Variants in ALDH2 observed in about 807,000 individuals in gnomAD.
The protein encoded by ALDH2 is aldehyde dehydrogenase, mitochondrial.
Under a neutral mutation model 59.6 loss-of-function variants are expected in ALDH2, and 44 were observed. That is an observed-to-expected ratio of 0.74 (90% CI 0.58 to 0.95). The LOEUF is 0.95. ALDH2 is among the 40% of genes least tolerant of loss of function. The pLI is 0.00. For missense variants in ALDH2, 570 were observed against 696.3 expected (o/e 0.82, Z 2.04); for synonymous variants, 291 against 284.0 (o/e 1.02, Z -0.25).
intron 9 of ALDH2, among the ~76,000 whole-genome samples, chr12:111,796,060 A>C (rs2068400641): frequency 6.6e-6 from 1 of 151,928 alleles, no homozygotes; most frequent in Non-Finnish European, 1.5e-5. Flanking sequence ...CAGGATTTCG[A>C]GATCAGCCTG....
At chr12:111,787,873 T>A (rs932447773) in intron 4 of ALDH2, among the ~76,000 whole-genome samples, 7 of 151,502 alleles carry the variant, frequency 4.6e-5, no homozygotes, top group Admixed American at 2.6e-4. Context: ...CTACTAAAAA[T>A]ATATATATAT....
intron 1 of ALDH2, among the ~76,000 whole-genome samples, chr12:111,778,657 C>T (rs2068250517): frequency 1.3e-5 from 2 of 151,228 alleles, no homozygotes; most frequent in Admixed American, 1.3e-4. Flanking sequence ...CTCGGTGAAA[C>T]CCCGTCTCTA....
At position 111,792,620 on chromosome 12, in the gene ALDH2, C is replaced by G. The variant is rs749044025; in HGVS notation, c.921C>G (p.Ala307=). The G allele has an allele frequency of 6.2e-7, 1 of 1,612,886 alleles. No individual in the cohort carries two copies. The highest frequency in any genetic ancestry group is 2.2e-5 in the East Asian group (1 of 44,866). The stretch of plus-strand genomic sequence containing the variant: ...CAGTGGATTGGGCCGTGGAACAGGC[C>G]CACTTCGCCCTGTTCTTCAACCAGG... ...DADMDWAVEQ[A]HFALFFNQGQ... is the part of the protein sequence containing the mutation. The change falls in exon 9 of 13, where the codon GCC becomes GCG. Residue 307 remains alanine, a synonymous_variant. Transcript: ENST00000261733.
intron 1 of ALDH2, among the ~76,000 whole-genome samples, chr12:111,768,325 C>T (rs1400247978): frequency 1.3e-5 from 2 of 152,236 alleles, no homozygotes; most frequent in African/African-American, 2.4e-5. Flanking sequence ...TTCAACAGCA[C>T]ACCTGCTGGT....
At chr12:111,807,346 G>T (rs1274946217) in intron 12 of ALDH2, among the ~76,000 whole-genome samples, 1 of 151,356 alleles carries the variant, frequency 6.6e-6, no homozygotes, top group Non-Finnish European at 1.5e-5. Context: ...ACAAAGATCA[G>T]CTCACAGCCA....
intron 12 of ALDH2, among the ~76,000 whole-genome samples, chr12:111,804,538 A>G (rs1830581240): frequency 6.6e-6 from 1 of 152,216 alleles, no homozygotes; most frequent in South Asian, 2.1e-4. Flanking sequence ...GAATGAGGTC[A>G]GGAGTTTGAG....
intron 1 of ALDH2, among the ~76,000 whole-genome samples, chr12:111,779,848 A>G (rs1449550608): frequency 1.3e-5 from 2 of 152,228 alleles, no homozygotes; most frequent in African/African-American, 4.8e-5. Context: ...ACCATCGCCC[A>G]GTGCCTGGAA....
intron 9 of ALDH2, among the ~76,000 whole-genome samples, chr12:111,796,606 A>AT (rs1369576683): frequency 6.6e-6 from 1 of 152,106 alleles, no homozygotes; most frequent in Admixed American, 6.5e-5. Flanking sequence ...TTGTATGTTT[A>AT]TTTTTTAAAA....
At chr12:111,792,295 C>T (rs758809419) in intron 8 of ALDH2, 132 bp downstream of exon 8, 16 of 763,192 alleles carry the variant, frequency 2.1e-5, no homozygotes, top group Admixed American at 8.7e-5. Context: ...CAGGATAAGA[C>T]GCCAGCGCAG....
intron 2 of ALDH2, among the ~76,000 whole-genome samples, chr12:111,782,883 C>CA (rs956330517): frequency 3.0e-4 from 41 of 136,350 alleles, no homozygotes; most frequent in East Asian, 6.3e-4. Flanking sequence ...GATTTCGTCT[C>CA]AAAAAAAAAA....
In ALDH2 at chr12:111,817,039, G is replaced by A. The variant is rs1404688537; in HGVS notation, c.*7464G>A. 1 of 152,140 alleles carries A rather than the reference G, an allele frequency of 6.6e-6. No individual in the cohort carries two copies. The highest frequency in any genetic ancestry group is 1.5e-5 in the Non-Finnish European group (1 of 68,028). 9.4% of individuals were successfully genotyped at this position (152,140 alleles called of 1,614,324 possible). On this transcript the variant is annotated 3_prime_UTR_variant, in exon 13 of 13. Transcript: ENST00000261733. ...TGTTGCAATTGCAAGCTTTGTACTT[G>A]TTCTCCTAACTGTAGAGCCGTGGAT... is the stretch of plus-strand genomic sequence containing the variant.
intron 10 of ALDH2, among the ~76,000 whole-genome samples, chr12:111,798,920 A>G (rs1028835762): frequency 2.1e-4 from 32 of 151,668 alleles, no homozygotes; most frequent in African/African-American, 7.5e-4. Flanking sequence ...GAGGCAGGAG[A>G]ATCGCTTGAA....
intron 1 of ALDH2, among the ~76,000 whole-genome samples, chr12:111,778,165 C>A (rs909600658): frequency 1.3e-5 from 2 of 152,150 alleles, no homozygotes; most frequent in Non-Finnish European, 2.9e-5. Flanking sequence ...AAAAAGGGGG[C>A]TCTAGGGTGA....
intron 1 of ALDH2, 70 bp downstream of exon 1, chr12:111,767,166 C>T (rs1213776947): frequency 1.6e-6 from 2 of 1,275,772 alleles, no homozygotes; most frequent in Admixed American, 3.2e-5. Flanking sequence ...AGGAAGGCCC[C>T]GCGCCGCCGT....
Position 111,792,445 on chromosome 12 carries a change from G to A in ALDH2, c.899-153G>A, listed in dbSNP as rs531780523. Reference sequence around the variant, plus strand: ...TTTGTCCTGGTTGGCAGTGGGCTCCGAGAGCACCCCTCATCTCCCTGTATC... The same window carrying A: ...TTTGTCCTGGTTGGCAGTGGGCTCCAAGAGCACCCCTCATCTCCCTGTATC... On this transcript the variant is annotated intron_variant, in intron 8 of 12. Coordinates refer to ENST00000261733, the MANE Select transcript of ALDH2 (RefSeq NM_000690.4). 7.9e-5 allele frequency among the ~76,000 whole-genome samples: 12 copies of A among 152,346 alleles called. No individual in the cohort carries two copies. In the South Asian group the frequency reaches 1.7e-3, roughly 21 times the overall value.
intron 9 of ALDH2, among the ~76,000 whole-genome samples, chr12:111,796,486 A>G (rs1330087550): frequency 1.3e-5 from 2 of 152,160 alleles, no homozygotes; most frequent in African/African-American, 4.8e-5. Flanking sequence ...TGAGTGGCAG[A>G]GTGAGGCCCT....
At chr12:111,782,439 G>T (rs2068278887) in intron 2 of ALDH2, among the ~76,000 whole-genome samples, 1 of 152,242 alleles carries the variant, frequency 6.6e-6, no homozygotes. Context: ...TGTGTTTTTG[G>T]CCGGGCGCAG....
At chr12:111,787,797 C>T (rs576398974) in intron 4 of ALDH2, among the ~76,000 whole-genome samples, 4 of 152,062 alleles carry the variant, frequency 2.6e-5, no homozygotes, top group East Asian at 1.9e-4. Context: ...TTTGGGAGGT[C>T]GCGGCGGGGG....
chr12:111,809,985 C>T lies in ALDH2; in HGVS notation c.*410C>T. Reference sequence around the variant, plus strand: ...TTAAAAACTAGCTGCTCTTAACTTACTGGGTAACTCTTTGTCCATCTCAAT... The same window carrying T: ...TTAAAAACTAGCTGCTCTTAACTTATTGGGTAACTCTTTGTCCATCTCAAT... On this transcript the variant is annotated 3_prime_UTR_variant, in exon 13 of 13. Coordinates refer to ENST00000261733, the MANE Select transcript of ALDH2 (RefSeq NM_000690.4). 1 of 243,284 alleles carries T rather than the reference C, an allele frequency of 4.1e-6. No homozygotes were observed. The highest frequency in any genetic ancestry group is 8.1e-6 in the Non-Finnish European group (1 of 124,044). 15.1% of individuals were successfully genotyped at this position (243,284 alleles called of 1,614,324 possible).
Sources: gnomAD v4.1 joint callset for allele counts (sites outside exome capture counted in the v4.1 genomes callset) on GRCh38, gnomAD v4.1.1 for gene constraint, MANE v1.5 for transcripts, NCBI Gene and HGNC (gene_info 2026-07-23, HGNC 2026-07-21) for gene names.